Variants in RANBP2 observed in about 807,000 individuals in gnomAD.
RANBP2 encodes E3 SUMO-protein ligase RanBP2.
RANBP2 carries 57 observed loss-of-function variants against 303.6 expected under a neutral mutation model. The ratio of observed to expected loss-of-function variants is 0.19; its 90% confidence interval spans 0.15 to 0.23. The LOEUF (loss-of-function observed/expected upper bound fraction) is 0.23, where lower values mean the gene tolerates loss of function less well. Among genes scored for constraint, RANBP2 ranks in the 10% least tolerant of loss-of-function variants. The pLI is 1.00. For synonymous variants in RANBP2, 1,167 were observed against 1,301.5 expected (o/e 0.90, Z 2.23); for missense variants, 3,138 against 3,780.8 (o/e 0.83, Z 4.46).
At chr2:109,449,111 A>G in the RANBP2 span, 1 of 1,540,954 alleles carries the variant, frequency 6.5e-7, no homozygotes, top group Non-Finnish European at 8.8e-7. Context: ...GCTGCCTGGC[A>G]GGCATGGCAA....
chr2:109,340,862 A>G, the RANBP2 span, among the ~76,000 whole-genome samples: 1 of 152,204 alleles, frequency 6.6e-6, no homozygotes, highest in African/African-American at 2.4e-5. Context: ...TTGATGCAAC[A>G]GGGAAACAGG....
chr2:108,921,513 G>A, the RANBP2 span, among the ~76,000 whole-genome samples: 1 of 152,234 alleles, frequency 6.6e-6, no homozygotes, highest in African/African-American at 2.4e-5. Context: ...GACAGGGCCT[G>A]CTGGACCTGG....
chr2:109,315,618 A>G, the RANBP2 span, among the ~76,000 whole-genome samples: 1 of 152,234 alleles, frequency 6.6e-6, no homozygotes, highest in African/African-American at 2.4e-5. Context: ...ATGCACAAGG[A>G]CGTGTGTGTC....
chr2:109,705,999 C>T, the RANBP2 span, among the ~76,000 whole-genome samples: 1 of 152,178 alleles, frequency 6.6e-6, no homozygotes, highest in African/African-American at 2.4e-5. Flanking sequence ...TGACCAGAAG[C>T]TTGGTGTCAT....
At chr2:109,106,068 A>G in the RANBP2 span, among the ~76,000 whole-genome samples, 1 of 147,494 alleles carries the variant, frequency 6.8e-6, no homozygotes, top group Non-Finnish European at 1.5e-5. Context: ...TCACCGTGTT[A>G]GCTAAGATGG....
chr2:109,443,675 A>AG, the RANBP2 span, among the ~76,000 whole-genome samples: 1 of 152,228 alleles, frequency 6.6e-6, no homozygotes, highest in African/African-American at 2.4e-5. Context: ...GTAACAATAA[A>AG]GGGGTCAGTT....
chr2:109,436,867 G>A, the RANBP2 span: 3 of 1,608,426 alleles, frequency 1.9e-6, no homozygotes, highest in Non-Finnish European at 2.5e-6. Context: ...CCTCTCATCA[G>A]AATTCCTTCT....
At chr2:109,235,861 T>C in the RANBP2 span, among the ~76,000 whole-genome samples, 1 of 152,208 alleles carries the variant, frequency 6.6e-6, no homozygotes, top group Admixed American at 6.5e-5. Context: ...TAAAACCTCT[T>C]AACCCTGCCA....
At chr2:109,084,996 G>A in the RANBP2 span, among the ~76,000 whole-genome samples, 1 of 152,136 alleles carries the variant, frequency 6.6e-6, no homozygotes, top group South Asian at 2.1e-4. Flanking sequence ...TGAACCTTGG[G>A]CAATGACAGA....
At chr2:109,425,932 C>G in the RANBP2 span, among the ~76,000 whole-genome samples, 6 of 152,108 alleles carry the variant, frequency 3.9e-5, no homozygotes, top group Admixed American at 1.3e-4. Flanking sequence ...GAGTTTCACT[C>G]TGTCGTCCAG....
At chr2:109,605,062 T>C in the RANBP2 span, 1 of 152,222 alleles carries the variant, frequency 6.6e-6, no homozygotes, top group Non-Finnish European at 1.5e-5. Flanking sequence ...TTTTACATTA[T>C]CAAAAACAAA....
the RANBP2 span, among the ~76,000 whole-genome samples, chr2:109,751,552 T>C: frequency 7.3e-6 from 1 of 137,872 alleles, no homozygotes; most frequent in Admixed American, 7.3e-5. Flanking sequence ...TGGGGGGCTG[T>C]CTTAGAATTG....
chr2:109,050,518 G>A, the RANBP2 span, among the ~76,000 whole-genome samples: 1 of 152,138 alleles, frequency 6.6e-6, no homozygotes, highest in East Asian at 1.9e-4. Context: ...GCCTCCCATA[G>A]TGCTGGGATT....
At chr2:108,885,847 G>A in the RANBP2 span, among the ~76,000 whole-genome samples, 2 of 152,112 alleles carry the variant, frequency 1.3e-5, no homozygotes. Flanking sequence ...CCACATATAA[G>A]TGGAAACATG....
the RANBP2 span, among the ~76,000 whole-genome samples, chr2:108,991,966 A>G: frequency 6.6e-6 from 1 of 152,034 alleles, no homozygotes; most frequent in Admixed American, 6.5e-5. Flanking sequence ...CTCCCATCTA[A>G]TTTTTGTATT....
the RANBP2 span, among the ~76,000 whole-genome samples, chr2:108,791,155 C>T: frequency 2.6e-5 from 4 of 151,852 alleles, no homozygotes; most frequent in Non-Finnish European, 4.4e-5. Context: ...ATTTTTTTAA[C>T]GTGCTACTAG....
the RANBP2 span, among the ~76,000 whole-genome samples, chr2:109,603,211 A>G: frequency 6.6e-6 from 1 of 152,096 alleles, no homozygotes; most frequent in Non-Finnish European, 1.5e-5. Flanking sequence ...ACAAATGTAC[A>G]TAATGTTATT....
chr2:108,992,945 A>G, the RANBP2 span, among the ~76,000 whole-genome samples: 1 of 150,482 alleles, frequency 6.6e-6, no homozygotes, highest in Non-Finnish European at 1.5e-5. Context: ...CTGGCCAGCT[A>G]GTTTTTAAAG....
the RANBP2 span, among the ~76,000 whole-genome samples, chr2:109,490,385 T>TG: frequency 6.6e-6 from 1 of 152,180 alleles, no homozygotes; most frequent in Non-Finnish European, 1.5e-5. Flanking sequence ...CACCTGGCCC[T>TG]CACTGGTTCA....
Sources: allele counts gnomAD v4.1 joint callset (sites outside exome capture counted in the v4.1 genomes callset), GRCh38; gene constraint gnomAD v4.1.1; transcripts MANE v1.5; gene names NCBI Gene and HGNC (gene_info 2026-07-23, HGNC 2026-07-21).